Variants in TMCO1 observed in about 807,000 individuals in gnomAD.
TMCO1 encodes the protein calcium load-activated calcium channel.
A neutral mutation model predicts 29.3 loss-of-function variants in TMCO1; 29 were observed. The ratio of observed to expected loss-of-function variants is 0.99; its 90% CI spans 0.74 to 1.35. The LOEUF (loss-of-function observed/expected upper bound fraction) is 1.35, where lower values mean the gene tolerates loss of function less well. Ranked by LOEUF, TMCO1 falls within the 40% of genes most tolerant of loss-of-function variation. The pLI is 0.00. For missense variants in TMCO1, 173 were observed against 225.5 expected (o/e 0.77, Z 1.49); for synonymous variants, 80 against 77.1 (o/e 1.04, Z -0.20).
intron 3 of TMCO1, among the ~76,000 whole-genome samples, chr1:165,756,044 G>T (rs1224974505): frequency 1.1e-5 from 1 of 90,842 alleles, no homozygotes; most frequent in Admixed American, 1.2e-4. Flanking sequence ...TGGGCAGCTT[G>T]TTTAAAAAAA....
At chr1:165,761,062 G>C (rs900508337) in intron 2 of TMCO1, among the ~76,000 whole-genome samples, 3 of 152,056 alleles carry the variant, frequency 2.0e-5, no homozygotes, top group Non-Finnish European at 4.4e-5. Flanking sequence ...AATTCTAAAA[G>C]CAAAATTGGT....
At position 165,746,829 on chromosome 1, in the gene TMCO1, G is replaced by A. The variant is rs543831751; in HGVS notation, c.324-3518C>T. Among the ~76,000 whole-genome samples the A allele has an allele frequency of 2.0e-5, 3 of 152,234 alleles. No homozygotes were observed. In the East Asian group the frequency reaches 5.8e-4, roughly 29 times the overall value. On this transcript the variant is annotated intron_variant, in intron 5 of 6. Transcript: ENST00000367881. ...GAACAGTGATGGAGAGAAAGGAAGG[G>A]ATGGAGGGAAAAGAGAATTTGGAAA...
In TMCO1 at chr1:165,727,065, T is replaced by C. The variant is rs1434264980; in HGVS notation, c.*958A>G. The stretch of plus-strand genomic sequence containing the variant: ...ACTCCACACAGGACTCCTAATTCCA[T>C]AGATTATGCGGGGAGGATCATGGTA... On this transcript the variant is annotated 3_prime_UTR_variant, in exon 7 of 7. Coordinates refer to ENST00000367881, the MANE Select transcript of TMCO1 (RefSeq NM_019026.6). 5 of 453,970 alleles carry C rather than the reference T, an allele frequency of 1.1e-5. No individual in the cohort carries two copies. Among genetic ancestry groups the C allele is most frequent in the African/African-American group, 2.0e-5 (1 of 49,998 alleles). The allele number at this position is 453,970 out of a possible 1,614,324, so 28.1% of individuals were successfully genotyped here. A position where few individuals can be genotyped will look rare whatever the true frequency, so the allele number is the denominator to read the frequency against.
chr1:165,725,396 T>C (rs1418151562), downstream of TMCO1: 1 of 454,078 alleles, frequency 2.2e-6, no homozygotes, highest in Non-Finnish European at 4.4e-6. Context: ...CATATGAATA[T>C]CTACACACAT....
downstream of TMCO1, chr1:165,726,746 C>A: frequency 2.2e-6 from 1 of 454,010 alleles, no homozygotes; most frequent in Non-Finnish European, 4.4e-6. Context: ...TTGGGCAGAT[C>A]CTCTTTTTTG....
intron 6 of TMCO1, among the ~76,000 whole-genome samples, chr1:165,737,110 A>C (rs1040706268): frequency 6.6e-6 from 1 of 152,238 alleles, no homozygotes; most frequent in Admixed American, 6.5e-5. Context: ...AGCCCAGCAG[A>C]CAAGGTTTTT....
rs926115559 is a variant in TMCO1 at position 165,760,908 on chromosome 1, C to A, written c.149-1324G>T. On this transcript the variant is annotated intron_variant, in intron 2 of 6. Transcript: ENST00000367881. ...AGGGATATGTCAAAAATTACCTTTACTTAGTTTATTTATATTATCTGTTAC... is the reference window on the plus strand; with the variant it reads ...AGGGATATGTCAAAAATTACCTTTAATTAGTTTATTTATATTATCTGTTAC... Among the ~76,000 whole-genome samples the A allele has an allele frequency of 9.2e-5, 14 of 152,252 alleles. No individual in the cohort carries two copies. In the East Asian group the frequency reaches 2.7e-3, roughly 29 times the overall value.
At chr1:165,732,704 G>A (rs1195143475) in intron 6 of TMCO1, among the ~76,000 whole-genome samples, 1 of 152,046 alleles carries the variant, frequency 6.6e-6, no homozygotes, top group African/African-American at 2.4e-5. Context: ...CTATGCATAT[G>A]TGGGGGCAAG....
chr1:165,747,469 A>C (rs575190085), intron 5 of TMCO1, among the ~76,000 whole-genome samples: 9 of 152,320 alleles, frequency 5.9e-5, no homozygotes, highest in Admixed American at 6.5e-5. Flanking sequence ...TAATGTACAA[A>C]TTTAATAAAA....
intron 5 of TMCO1, among the ~76,000 whole-genome samples, chr1:165,747,681 C>G (rs183648712): frequency 2.2e-4 from 34 of 152,250 alleles, no homozygotes; most frequent in African/African-American, 7.9e-4. Context: ...GGTAAGGAGT[C>G]TGACTAAAAT....
At chr1:165,757,995 T>C (rs1026156909) in intron 3 of TMCO1, among the ~76,000 whole-genome samples, 2 of 152,120 alleles carry the variant, frequency 1.3e-5, no homozygotes, top group Admixed American at 1.3e-4. Flanking sequence ...CCATGTTGAA[T>C]GTCTTCATTT....
Position 165,768,854 on chromosome 1 carries a change from T to C in TMCO1, c.-103A>G. 6.3e-7 allele frequency: 1 copy of C among 1,575,756 alleles called. No individual in the cohort carries two copies. Among genetic ancestry groups the C allele is most frequent in the Non-Finnish European group, 8.6e-7 (1 of 1,160,164 alleles). ...TTCCGTAGACTCCGCCACCACCGAGTAACAGACCAACTCTGACAGCCCGAA... is the reference window on the plus strand; with the variant it reads ...TTCCGTAGACTCCGCCACCACCGAGCAACAGACCAACTCTGACAGCCCGAA... On this transcript the variant is annotated 5_prime_UTR_variant, in exon 1 of 7. Transcript: ENST00000367881.
intron 6 of TMCO1, among the ~76,000 whole-genome samples, chr1:165,732,388 C>CA (rs34558487): frequency 0.53 from 47,569 of 89,486 alleles, 11,397 homozygotes; most frequent in Middle Eastern, 0.66. Context: ...CATAAAGAAG[C>CA]AAAAAAAAAA....
intron 6 of TMCO1, among the ~76,000 whole-genome samples, chr1:165,730,339 C>G (rs1252633245): frequency 1.7e-4 from 9 of 53,642 alleles, no homozygotes; most frequent in African/African-American, 6.0e-4. Flanking sequence ...CGTCTCAAAA[C>G]AAAAACAAAA....
chr1:165,725,545 T>G (rs548449982), downstream of TMCO1: 1 of 454,148 alleles, frequency 2.2e-6, no homozygotes, highest in South Asian at 1.6e-5. Flanking sequence ...ATATTAGTAA[T>G]GGCTGTTTTT....
chr1:165,735,497 C>A (rs567906586), intron 6 of TMCO1, among the ~76,000 whole-genome samples: 43 of 147,076 alleles, frequency 2.9e-4, no homozygotes, highest in Middle Eastern at 3.4e-3. Context: ...ACTCTGCCCC[C>A]AAATCTCTGC....
chr1:165,760,119 C>T (rs2101813822), intron 2 of TMCO1, among the ~76,000 whole-genome samples: 1 of 152,230 alleles, frequency 6.6e-6, no homozygotes, highest in Middle Eastern at 3.4e-3. Context: ...GCAGGAAAAT[C>T]AGGAGAGCCA....
chr1:165,755,833 A>G (rs1652173800), intron 3 of TMCO1, among the ~76,000 whole-genome samples: 1 of 152,158 alleles, frequency 6.6e-6, no homozygotes, highest in African/African-American at 2.4e-5. Context: ...CTGTCCTACT[A>G]CTGCTGACCC....
At chr1:165,732,385 A>C (rs1377196077) in intron 6 of TMCO1, among the ~76,000 whole-genome samples, 10 of 129,556 alleles carry the variant, frequency 7.7e-5, no homozygotes, top group South Asian at 3.2e-4. Context: ...TCACATAAAG[A>C]AGCAAAAAAA....
Sources: allele counts gnomAD v4.1 joint callset (sites outside exome capture counted in the v4.1 genomes callset), GRCh38; gene constraint gnomAD v4.1.1; transcripts MANE v1.5; gene names NCBI Gene and HGNC (gene_info 2026-07-23, HGNC 2026-07-21).